SH3PXD2A: variants seen among roughly 807,000 people sequenced by gnomAD.
SH3PXD2A encodes the protein SH3 and PX domain-containing protein 2A.
SH3PXD2A carries 32 observed loss-of-function variants against 115.2 expected under a neutral mutation model. The observed-to-expected ratio is 0.28, with a 90% CI of 0.21 to 0.37. The LOEUF is 0.37. Among genes scored for constraint, SH3PXD2A ranks in the 10% least tolerant of loss-of-function variants. The pLI is 1.00. For missense variants in SH3PXD2A, 1,328 were observed against 1,498.7 expected (o/e 0.89, Z 1.88); for synonymous variants, 610 against 629.1 (o/e 0.97, Z 0.45).
At chr10:103,698,181 C>T (rs188480915) in intron 5 of SH3PXD2A, among the ~76,000 whole-genome samples, 89 of 152,280 alleles carry the variant, frequency 5.8e-4, no homozygotes, top group Non-Finnish European at 9.3e-4. Context: ...AGAGGTGAAG[C>T]CAGGAAGAGC....
In SH3PXD2A at chr10:103,661,907, C is replaced by G. The variant is rs1256558318; in HGVS notation, c.473-793G>C. ...GCCAGCGGCTGGCGAGCCCAGCCCG[C>G]CCCCCGCCAACTTTTCCTCAAGTTC... On this transcript the variant is annotated intron_variant, in intron 7 of 14. Coordinates refer to ENST00000369774, the MANE Select transcript of SH3PXD2A (RefSeq NM_001394015.1). 1.7e-5 allele frequency: 17 copies of G among 985,044 alleles called. 1 individual carries two copies. In the East Asian group the frequency reaches 1.6e-3, roughly 92 times the overall value. 61.0% of individuals were successfully genotyped at this position (985,044 alleles called of 1,614,324 possible). A position where few individuals can be genotyped will look rare whatever the true frequency, so the allele number is the denominator to read the frequency against.
intron 2 of SH3PXD2A, 61 bp downstream of exon 2, chr10:103,801,221 T>C: frequency 1.0e-6 from 1 of 993,032 alleles, no homozygotes. Flanking sequence ...TAAGCGAGGG[T>C]ATGAGAGAGG....
chr10:103,818,483 C>T (rs931576162), intron 1 of SH3PXD2A, among the ~76,000 whole-genome samples: 2 of 152,118 alleles, frequency 1.3e-5, no homozygotes, highest in African/African-American at 2.4e-5. Flanking sequence ...ACAAAGAAAC[C>T]GGCTCTTTAA....
Position 103,627,295 on chromosome 10 carries a change from A to C in SH3PXD2A, c.605-93T>G. The C allele has an allele frequency of 2.7e-6, 2 of 746,108 alleles. No individual in the cohort carries two copies. The highest frequency in any genetic ancestry group is 2.7e-4 in the Middle Eastern group (1 of 3,654). The allele number at this position is 746,108 out of a possible 1,614,324, so 46.2% of individuals were successfully genotyped here. On this transcript the variant is annotated intron_variant, in intron 8 of 14. Transcript: ENST00000369774. The surrounding 1 kb of genome is among the most constrained non-coding windows in gnomAD (Gnocchi z 4.4). ...AGGACAAGGATGGAAGGAGAGGCACAAGAAGCGGAGCATGGAGCCAGATGG... is the reference window on the plus strand; with the variant it reads ...AGGACAAGGATGGAAGGAGAGGCACCAGAAGCGGAGCATGGAGCCAGATGG...
In SH3PXD2A at chr10:103,827,595, C is replaced by T. The variant is rs561151090; in HGVS notation, c.73-26233G>A. Among the ~76,000 whole-genome samples the T allele has an allele frequency of 3.0e-4, 46 of 152,292 alleles. 2 individuals are homozygous for T. In the South Asian group the frequency reaches 9.1e-3, roughly 30 times the overall value. On this transcript the variant is annotated intron_variant, in intron 1 of 14. Coordinates refer to ENST00000369774, the MANE Select transcript of SH3PXD2A (RefSeq NM_001394015.1). The stretch of plus-strand genomic sequence containing the variant: ...ATGGACACATAGGTACATAGCACAC[C>T]GCCTGGCACACCACATTCTCAGTGC...
intron 4 of SH3PXD2A, among the ~76,000 whole-genome samples, chr10:103,729,023 A>G (rs983637924): frequency 3.9e-5 from 6 of 151,948 alleles, no homozygotes; most frequent in African/African-American, 1.5e-4. Flanking sequence ...CCTCCTGAGT[A>G]GGTGGGATTT....
chr10:103,647,101 C>G (rs1285374117), intron 8 of SH3PXD2A, among the ~76,000 whole-genome samples: 3 of 152,078 alleles, frequency 2.0e-5, no homozygotes, highest in Non-Finnish European at 2.9e-5. Context: ...TTTAAATATA[C>G]CCTGGCTGTG....
intron 13 of SH3PXD2A, chr10:103,610,107 T>C (rs949763663): frequency 2.0e-5 from 3 of 152,316 alleles, no homozygotes; most frequent in African/African-American, 4.8e-5. Flanking sequence ...AGGCTCTGCA[T>C]GTCCTAACCC....
intron 6 of SH3PXD2A, among the ~76,000 whole-genome samples, chr10:103,686,972 T>G (rs755248213): frequency 2.3e-4 from 35 of 152,126 alleles, no homozygotes; most frequent in Non-Finnish European, 4.7e-4. Context: ...GGTCTCAAAC[T>G]CCTGACCTCA....
chr10:103,631,587 G>A (rs1415339846), intron 8 of SH3PXD2A, among the ~76,000 whole-genome samples: 1 of 152,148 alleles, frequency 6.6e-6, no homozygotes, highest in Non-Finnish European at 1.5e-5. Flanking sequence ...GTCCCCCATC[G>A]TGAGCCAAAT....
chr10:103,796,876 T>A (rs1386168805), intron 2 of SH3PXD2A, among the ~76,000 whole-genome samples: 1 of 151,282 alleles, frequency 6.6e-6, no homozygotes, highest in Non-Finnish European at 1.5e-5. Context: ...TTTTTTTTTT[T>A]TTTGAGATAG....
chr10:103,724,095 C>A (rs1408420116), intron 5 of SH3PXD2A, among the ~76,000 whole-genome samples, 175 bp downstream of exon 5: 2 of 152,188 alleles, frequency 1.3e-5, no homozygotes, highest in Admixed American at 1.3e-4. Context: ...TGGGCTCTGG[C>A]ACTAGGAGCC....
At chr10:103,845,187 C>A (rs1275590146) in intron 1 of SH3PXD2A, among the ~76,000 whole-genome samples, 1 of 151,530 alleles carries the variant, frequency 6.6e-6, no homozygotes, top group Non-Finnish European at 1.5e-5. Context: ...AAAAATTAGC[C>A]GGGCATGGTG....
intron 1 of SH3PXD2A, among the ~76,000 whole-genome samples, chr10:103,849,244 G>A (rs1589484243): frequency 6.6e-6 from 1 of 152,056 alleles, no homozygotes; most frequent in Non-Finnish European, 1.5e-5. Flanking sequence ...GAGAATCCCA[G>A]CCCTGCCACA....
At chr10:103,707,498 T>C (rs918959889) in intron 5 of SH3PXD2A, among the ~76,000 whole-genome samples, 1 of 152,044 alleles carries the variant, frequency 6.6e-6, no homozygotes, top group African/African-American at 2.4e-5. Flanking sequence ...CCAGGCTGTA[T>C]TTCAATATTT....
At chr10:103,636,001 C>T (rs1306639786) in intron 8 of SH3PXD2A, among the ~76,000 whole-genome samples, 4 of 152,214 alleles carry the variant, frequency 2.6e-5, no homozygotes, top group East Asian at 1.9e-4. Flanking sequence ...ACCAGGTCCT[C>T]CCTCTATCCA....
rs57711259 is a variant in SH3PXD2A, at chr10:103,615,483, GGTGTGTGTGTGTGTGT to G, written c.920+1698_920+1713del. Among the ~76,000 whole-genome samples, 1,027 of 128,588 alleles carry G rather than the reference GGTGTGTGTGTGTGTGT, an allele frequency of 8.0e-3. 17 individuals are homozygous for G. The highest frequency in any genetic ancestry group is 0.014 in the Middle Eastern group (3 of 214). The allele number at this position is 128,588 out of a possible 152,430, so 84.4% of individuals were successfully genotyped here. On this transcript the variant is annotated intron_variant, in intron 11 of 14. Transcript: ENST00000369774. ...GAAAGGGCGCGATGGAGAGTGCGAG[GGTGTGTGTGTGTGTGT>G]GTGTGTGTGTGTGTGTGTGTGTGTG...
intron 1 of SH3PXD2A, among the ~76,000 whole-genome samples, chr10:103,844,552 C>T (rs947827562): frequency 2.6e-5 from 4 of 152,192 alleles, no homozygotes; most frequent in Admixed American, 2.0e-4. Context: ...GCAAAAGCAA[C>T]CAGGGCAAGT....
chr10:103,598,117 C>G lies in SH3PXD2A; in HGVS notation c.*3699G>C, dbSNP rs201455065. 6.6e-6 allele frequency: 1 copy of G among 152,646 alleles called. No individual in the cohort carries two copies. Among genetic ancestry groups the G allele is most frequent in the African/African-American group, 2.4e-5 (1 of 41,454 alleles). The allele number at this position is 152,646 out of a possible 1,614,324, so 9.5% of individuals were successfully genotyped here. ...ACATCTGAAAGTGATTAAAATGATT[C>G]TATATAATGCCTTCGTCAAGATGGA... On this transcript the variant is annotated 3_prime_UTR_variant, in exon 15 of 15. Coordinates refer to ENST00000369774, the MANE Select transcript of SH3PXD2A (RefSeq NM_001394015.1).
Sources: gnomAD v4.1 joint callset for allele counts (sites outside exome capture counted in the v4.1 genomes callset) on GRCh38, gnomAD v4.1.1 for gene constraint, Gnocchi (gnomAD v3.1) non-coding constraint, MANE v1.5 for transcripts, NCBI Gene and HGNC (gene_info 2026-07-23, HGNC 2026-07-21) for gene names.